The following OTUD7A variants were observed in gnomAD, a reference collection of about 807,000 sequenced individuals.
The protein encoded by OTUD7A is OTU domain-containing protein 7A.
OTUD7A carries 12 observed loss-of-function variants against 65.7 expected under a neutral mutation model. The observed-to-expected ratio is 0.18, with a 90% confidence interval of 0.12 to 0.30. The LOEUF (loss-of-function observed/expected upper bound fraction) is 0.30. OTUD7A is among the 10% of genes least tolerant of loss of function. The pLI is 1.00. For missense variants in OTUD7A, 1,148 were observed against 1,304.8 expected (o/e 0.88, Z 1.85); for synonymous variants, 641 against 586.3 (o/e 1.09, Z -1.35).
chr15:31,617,547 T>A (rs958419018), intron 3 of OTUD7A, among the ~76,000 whole-genome samples: 3 of 152,062 alleles, frequency 2.0e-5, no homozygotes, highest in Non-Finnish European at 4.4e-5. Context: ...TATATCTATG[T>A]GTCTATGTGC....
Position 31,790,495 on chromosome 15 carries a change from AAAG to A in OTUD7A, c.-100+80009_-100+80011del, listed in dbSNP as rs1232171157. Among the ~76,000 whole-genome samples, 7 of 152,160 alleles carry A rather than the reference AAAG, an allele frequency of 4.6e-5. 1 individual carries two copies. Among genetic ancestry groups the A allele is most frequent in the Non-Finnish European group, 8.8e-5 (6 of 68,024 alleles). The stretch of plus-strand genomic sequence containing the variant: ...TTTATCAAGAGACAGGATAAATAAA[AAAG>A]AAGAGGAAGGAAGGATAAAAAGAGA... On this transcript the variant is annotated intron_variant, in intron 1 of 12. Transcript: ENST00000307050.
At chr15:31,504,665 G>C (rs553297335) in intron 8 of OTUD7A, among the ~76,000 whole-genome samples, 1 of 138,436 alleles carries the variant, frequency 7.2e-6, no homozygotes, top group South Asian at 2.2e-4. Context: ...TTGTTCCTGA[G>C]TGTTTGAGGA....
Position 31,478,674 on chromosome 15 carries a change from T to C in OTUD7A, c.*4620A>G, listed in dbSNP as rs945733126. On this transcript the variant is annotated 3_prime_UTR_variant, in exon 13 of 13. Transcript: ENST00000307050. ...CTGCAGGGCATCTCCCTCGCTCTTTTCTGCTGGGGGTGCAGTGGGGAGGAA... is the reference window on the plus strand; with the variant it reads ...CTGCAGGGCATCTCCCTCGCTCTTTCCTGCTGGGGGTGCAGTGGGGAGGAA... The C allele has an allele frequency of 6.6e-6, 1 of 152,244 alleles. No homozygotes were observed. The highest frequency in any genetic ancestry group is 2.4e-5 in the African/African-American group (1 of 41,430). The allele number at this position is 152,244 out of a possible 1,614,324, so 9.4% of individuals were successfully genotyped here. A position where few individuals can be genotyped will look rare whatever the true frequency, so the allele number is the denominator to read the frequency against.
At position 31,484,270 on chromosome 15, in the gene OTUD7A, T is replaced by G. The variant is rs1040592475; in HGVS notation, c.1826A>C (p.Glu609Ala). 1.8e-5 allele frequency: 29 copies of G among 1,593,746 alleles called. No homozygotes were observed. The highest frequency in any genetic ancestry group is 2.4e-5 in the Non-Finnish European group (28 of 1,173,850). ...GTCGCCCCGCGGCCCACCGCCCTTC[T>G]CCGCCGGCGACGCGCCCGCTGCCTT... ...TDKAAGASPAEKGGGPRGDAW... is the reference protein window; with the variant it reads ...TDKAAGASPAAKGGGPRGDAW... Residue 609 changes from glutamate (E) to alanine (A), a missense_variant, in exon 13 of 13, where the codon GAG (glutamate) becomes GCG (alanine). Coordinates refer to ENST00000307050, the MANE Select transcript of OTUD7A (RefSeq NM_001382637.1). This position sits in a 1 kb window ranked among gnomAD's most constrained non-coding sequence, Gnocchi z 4.5.
intron 3 of OTUD7A, among the ~76,000 whole-genome samples, chr15:31,593,219 T>C (rs1232703532): frequency 6.6e-6 from 1 of 152,028 alleles, no homozygotes; most frequent in Non-Finnish European, 1.5e-5. Context: ...CACCATGGAA[T>C]ATGCAGTCGA....
chr15:31,789,759 G>A (rs2140935861), intron 1 of OTUD7A, among the ~76,000 whole-genome samples: 1 of 147,202 alleles, frequency 6.8e-6, no homozygotes, highest in South Asian at 2.1e-4. Context: ...AGGCTAGAGT[G>A]CAATGTCGCG....
intron 5 of OTUD7A, among the ~76,000 whole-genome samples, chr15:31,531,400 C>T (rs1887616030): frequency 6.6e-6 from 1 of 151,014 alleles, no homozygotes; most frequent in African/African-American, 2.4e-5. Flanking sequence ...GAAGAAGTGG[C>T]AGACTAACTA....
chr15:31,763,373 T>C (rs905683387), intron 1 of OTUD7A, among the ~76,000 whole-genome samples: 3 of 151,954 alleles, frequency 2.0e-5, no homozygotes, highest in African/African-American at 7.2e-5. Flanking sequence ...ATTTTAGAGA[T>C]GAAAAATACA....
chr15:31,572,676 A>C (rs1889088156), intron 3 of OTUD7A, among the ~76,000 whole-genome samples: 1 of 152,218 alleles, frequency 6.6e-6, no homozygotes, highest in Admixed American at 6.5e-5. Flanking sequence ...TATAAATCAG[A>C]TATACATGAA....
At chr15:31,655,011 A>G in intron 3 of OTUD7A, 85 bp downstream of exon 3, 5 of 1,484,688 alleles carry the variant, frequency 3.4e-6, no homozygotes, top group Non-Finnish European at 4.5e-6. Context: ...CTCAAGTACC[A>G]CTGTCATCAG....
chr15:31,544,259 C>T (rs891899672), intron 5 of OTUD7A, among the ~76,000 whole-genome samples: 1 of 151,432 alleles, frequency 6.6e-6, no homozygotes, highest in African/African-American at 2.4e-5. Flanking sequence ...AAATTAATAA[C>T]CTTAAATACT....
chr15:31,693,692 G>T (rs1427423013), intron 1 of OTUD7A, among the ~76,000 whole-genome samples: 1 of 152,164 alleles, frequency 6.6e-6, no homozygotes, highest in Non-Finnish European at 1.5e-5. Flanking sequence ...AGGTCTGTAA[G>T]GTGCAAGTGA....
At chr15:31,608,797 G>A (rs1392652433) in intron 3 of OTUD7A, among the ~76,000 whole-genome samples, 3 of 152,306 alleles carry the variant, frequency 2.0e-5, no homozygotes, top group Non-Finnish European at 4.4e-5. Flanking sequence ...AGCAGCGTGC[G>A]GAGGCTCGCA....
chr15:31,839,162 C>T (rs774864219), intron 1 of OTUD7A, among the ~76,000 whole-genome samples: 1 of 152,224 alleles, frequency 6.6e-6, no homozygotes, highest in Admixed American at 6.5e-5. Flanking sequence ...GTTCGAAACA[C>T]CATGCTGGGG....
At chr15:31,558,902 G>T in intron 5 of OTUD7A, 67 bp downstream of exon 5, 1 of 1,525,288 alleles carries the variant, frequency 6.6e-7, no homozygotes, top group Non-Finnish European at 9.0e-7. Context: ...TGCTCATAGA[G>T]TAGGTTAGGC....
At chr15:31,643,148 T>A (rs1299788667) in intron 3 of OTUD7A, among the ~76,000 whole-genome samples, 1 of 108,430 alleles carries the variant, frequency 9.2e-6, no homozygotes, top group Non-Finnish European at 2.1e-5. Context: ...CTTTAATTTT[T>A]AATTATTTTT....
intron 4 of OTUD7A, among the ~76,000 whole-genome samples, chr15:31,568,472 G>A (rs1188649592): frequency 6.6e-6 from 1 of 152,226 alleles, no homozygotes; most frequent in African/African-American, 2.4e-5. Context: ...AGGTGGAAGG[G>A]ACTTGCCTTG....
intron 1 of OTUD7A, among the ~76,000 whole-genome samples, chr15:31,796,188 TTATCTATCTATCTATCTATCTATC>T (rs57720765): frequency 6.1e-5 from 9 of 146,914 alleles, no homozygotes; most frequent in Non-Finnish European, 1.2e-4. Context: ...TATCTATGCA[TTATCTATCTATCTATCTATCTATC>T]TATCTATCTA....
chr15:31,841,203 C>T (rs1007521548), intron 1 of OTUD7A, among the ~76,000 whole-genome samples: 7 of 152,128 alleles, frequency 4.6e-5, no homozygotes, highest in African/African-American at 9.7e-5. Context: ...CCTTTTTCTT[C>T]GTCACAGAGT....
Sources: allele counts gnomAD v4.1 joint callset (sites outside exome capture counted in the v4.1 genomes callset), GRCh38; gene constraint gnomAD v4.1.1; non-coding constraint Gnocchi (gnomAD v3.1); transcripts MANE v1.5; gene names NCBI Gene and HGNC (gene_info 2026-07-23, HGNC 2026-07-21).